The following PWWP2A variants were observed in gnomAD, a reference collection of about 807,000 sequenced individuals.
PWWP2A encodes the protein PWWP domain containing 2A, also known as PWWP domain-containing protein 2A.
A neutral mutation model predicts 48.5 loss-of-function variants in PWWP2A; 18 were observed. The ratio of observed to expected loss-of-function variants is 0.37; its 90% CI spans 0.26 to 0.55. The LOEUF (loss-of-function observed/expected upper bound fraction) is 0.55, where lower values mean the gene tolerates loss of function less well. Ranked by LOEUF, PWWP2A falls within the 20% of genes least tolerant of loss-of-function variation. The pLI is 0.81. For synonymous variants in PWWP2A, 396 were observed against 387.7 expected, an observed-to-expected ratio of 1.02 and a Z score of -0.25; for missense variants, 867 against 976.4, an observed-to-expected ratio of 0.89 and a Z score of 1.49.
At chr5:160,067,559 T>C (rs1753644787) in intron 2 of PWWP2A, among the ~76,000 whole-genome samples, 1 of 152,090 alleles carries the variant, frequency 6.6e-6, no homozygotes, top group Non-Finnish European at 1.5e-5. Flanking sequence ...GTAGAGGTTT[T>C]GTTTCTTAGG....
chr5:160,091,673 A>ATTAAATCC lies in PWWP2A; in HGVS notation c.*701_*708dup. On this transcript the variant is annotated 3_prime_UTR_variant, in exon 2 of 2. Coordinates refer to ENST00000307063, the MANE Select transcript of PWWP2A (RefSeq NM_001130864.2). ...CCAAACCAGAAGCTTGAAAGTATTTATTAAATCCCCACTGGACGAAAGACA... is the reference window on the plus strand; with the variant it reads ...CCAAACCAGAAGCTTGAAAGTATTTATTAAATCCTTAAATCCCCACTGGACGAAAGACA... The ATTAAATCC allele has an allele frequency of 1.0e-6, 1 of 985,306 alleles. No homozygotes were observed. The highest frequency in any genetic ancestry group is 1.2e-6 in the Non-Finnish European group (1 of 829,884). 61.0% of individuals were successfully genotyped at this position (985,306 alleles called of 1,614,324 possible).
At chr5:160,090,227 C>T, downstream of PWWP2A, 1 of 985,070 alleles carries the variant, frequency 1.0e-6, no homozygotes, top group Non-Finnish European at 1.2e-6. Context: ...TTGGTTTATG[C>T]CACAACAGCA....
chr5:160,085,148 C>G (rs1754529935), intron 2 of PWWP2A, among the ~76,000 whole-genome samples: 1 of 151,830 alleles, frequency 6.6e-6, no homozygotes, highest in Non-Finnish European at 1.5e-5. Flanking sequence ...CCTGCCTCAG[C>G]CTCCCGAGTA....
intron 1 of PWWP2A, among the ~76,000 whole-genome samples, chr5:160,107,369 C>T (rs1196815892): frequency 3.9e-5 from 6 of 152,176 alleles, no homozygotes; most frequent in East Asian, 1.9e-4. Context: ...TAGAATATAA[C>T]TTAATCTCCA....
In PWWP2A at chr5:160,093,173, C is replaced by T; in HGVS notation, c.1477G>A (p.Gly493Arg). 1 of 1,613,974 alleles carries T rather than the reference C, an allele frequency of 6.2e-7. No homozygotes were observed. ...NEENDSSLKT[G>R]LEKMRSGKMA... ...TTGCCACTCCGCATTTTCTCAAGTCCTGTCTTCAGAGAAGAGTCATTTTCT... is the reference window on the plus strand; with the variant it reads ...TTGCCACTCCGCATTTTCTCAAGTCTTGTCTTCAGAGAAGAGTCATTTTCT... The change falls in exon 2 of 2, where the codon GGA becomes AGA. Residue 493 changes from glycine (G) to arginine (R), a missense_variant. By Grantham distance (125) the Gly-to-Arg change is moderately radical. Around this residue, in one of 4 missense-constraint regions of PWWP2A, gnomAD observed 382 missense variants for 407.2 expected, o/e 0.94. Coordinates refer to ENST00000307063, the MANE Select transcript of PWWP2A (RefSeq NM_001130864.2). The surrounding 1 kb of genome is among the most constrained non-coding windows in gnomAD (Gnocchi z 5.8).
rs776478062 is a variant in PWWP2A, at chr5:160,093,689, G to C, written c.961C>G (p.Leu321Val). Residue 321 changes from leucine to valine, a missense_variant, in exon 2 of 2, where the codon CTG becomes GTG. By Grantham distance (32) the Leu-to-Val change is conservative. Around this residue, in one of 4 missense-constraint regions of PWWP2A, gnomAD observed 382 missense variants for 407.2 expected, o/e 0.94. Transcript: ENST00000307063. This position sits in a 1 kb window ranked among gnomAD's most constrained non-coding sequence, Gnocchi z 5.8. ...ACACTGTTTTTACATTTATCACACA[G>C]AACTTGCCTGGGTCGTAGTTTAATA... Reference protein sequence around the residue: ...NAIKLRPRQVLCDKCKNSVVA... With the variant: ...NAIKLRPRQVVCDKCKNSVVA... 4 of 1,613,896 alleles carry C rather than the reference G, an allele frequency of 2.5e-6. No individual in the cohort carries two copies. The highest frequency in any genetic ancestry group is 1.1e-5 in the South Asian group (1 of 91,076).
chr5:160,117,970 G>T, intron 1 of PWWP2A: 1 of 672,630 alleles, frequency 1.5e-6, no homozygotes, highest in Non-Finnish European at 1.8e-6. Flanking sequence ...ACTTAGAACA[G>T]GTTCTCTTCC....
Position 160,111,252 on chromosome 5 carries a change from C to G in PWWP2A, c.584+7553G>C, listed in dbSNP as rs568557629. The stretch of plus-strand genomic sequence containing the variant: ...GCATGATCTCAGCTCACTGCAACCT[C>G]TAACTCCCGGGTTCAAGCGATTCTC... On this transcript the variant is annotated intron_variant, in intron 1 of 1. Coordinates refer to ENST00000307063, the MANE Select transcript of PWWP2A (RefSeq NM_001130864.2). Among the ~76,000 whole-genome samples the G allele has an allele frequency of 3.3e-5, 5 of 152,242 alleles. No homozygotes were observed. In the East Asian group the frequency reaches 9.6e-4, roughly 29 times the overall value.
chr5:160,075,223 G>T (rs1160134210), downstream of PWWP2A, among the ~76,000 whole-genome samples: 2 of 152,082 alleles, frequency 1.3e-5, no homozygotes, highest in Admixed American at 1.3e-4. Flanking sequence ...AGAGAAAAAA[G>T]ATATTAGCAG....
the PWWP2A span, chr5:160,049,544 C>T: frequency 1.9e-6 from 3 of 1,589,592 alleles, no homozygotes; most frequent in Non-Finnish European, 2.6e-6. Context: ...TATATCAGGG[C>T]AATATTGAGG....
intron 4 of PWWP2A, among the ~76,000 whole-genome samples, chr5:160,066,295 C>CCTTTTTTTTTT (rs748083955): frequency 6.9e-5 from 4 of 57,954 alleles, no homozygotes; most frequent in Non-Finnish European, 7.7e-5. Flanking sequence ...AAGTGGTTCT[C>CCTTTTTTTTTT]ATTTTTTTTT....
intron 5 of PWWP2A, among the ~76,000 whole-genome samples, chr5:160,063,158 CT>C (rs1753481297): frequency 1.3e-5 from 2 of 152,266 alleles, no homozygotes; most frequent in South Asian, 4.1e-4. Context: ...AGTGAGCTTC[CT>C]TGGGCTAGTT....
downstream of PWWP2A, among the ~76,000 whole-genome samples, chr5:160,073,449 G>A (rs901078986): frequency 2.0e-5 from 3 of 151,742 alleles, no homozygotes; most frequent in Non-Finnish European, 4.4e-5. Flanking sequence ...GGATGGTCTC[G>A]ATCTCCTGAC....
intron 1 of PWWP2A, among the ~76,000 whole-genome samples, chr5:160,102,460 T>C (rs906867795): frequency 1.4e-5 from 2 of 147,106 alleles, no homozygotes; most frequent in Non-Finnish European, 3.0e-5. Flanking sequence ...TAATACTAGC[T>C]AATCAAGAGG....
the PWWP2A span, among the ~76,000 whole-genome samples, chr5:160,047,373 G>A: frequency 1.3e-5 from 2 of 152,060 alleles, no homozygotes; most frequent in Non-Finnish European, 2.9e-5. Context: ...GTGTCACATG[G>A]CTAATTGATT....
intron 1 of PWWP2A, among the ~76,000 whole-genome samples, chr5:160,098,966 A>C (rs368833972): frequency 2.0e-5 from 3 of 152,140 alleles, no homozygotes; most frequent in African/African-American, 4.8e-5. Flanking sequence ...AAAACAAAAC[A>C]AAACCCTAAT....
chr5:160,104,115 T>G (rs1354052853), intron 1 of PWWP2A, among the ~76,000 whole-genome samples: 1 of 18,214 alleles, frequency 5.5e-5, no homozygotes, highest in South Asian at 2.3e-3. Context: ...AGAGTGAGAC[T>G]CTGTCTCAAA....
At chr5:160,062,614 G>T (rs1753454795) in intron 5 of PWWP2A, among the ~76,000 whole-genome samples, 1 of 152,202 alleles carries the variant, frequency 6.6e-6, no homozygotes, top group South Asian at 2.1e-4. Flanking sequence ...AGATGGGCTT[G>T]CAGTGATCCC....
chr5:160,061,307 C>G (rs1019791955), downstream of PWWP2A, among the ~76,000 whole-genome samples: 11 of 152,248 alleles, frequency 7.2e-5, no homozygotes, highest in Admixed American at 7.2e-4. Context: ...TCCTCCACCC[C>G]TTTCCTGTCT....
Sources: allele counts gnomAD v4.1 joint callset (sites outside exome capture counted in the v4.1 genomes callset), GRCh38; gene constraint gnomAD v4.1.1; regional missense constraint gnomAD v4.1.1; non-coding constraint Gnocchi (gnomAD v3.1); transcripts MANE v1.5; gene names NCBI Gene and HGNC (gene_info 2026-07-23, HGNC 2026-07-21).